Variants in GPR63 observed in about 807,000 individuals in gnomAD.
GPR63 encodes probable G protein-coupled receptor 63.
GPR63 carries 12 observed loss-of-function variants against 23.1 expected under a neutral mutation model. The observed-to-expected ratio is 0.52, with a 90% CI of 0.33 to 0.84. The LOEUF is 0.84. Among genes scored for constraint, GPR63 ranks in the 40% least tolerant of loss-of-function variants. The probability of loss-of-function intolerance (pLI) is 0.02; values close to 1 mark genes in which losing one functional copy is unlikely to be tolerated. For missense variants in GPR63, 472 were observed against 515.6 expected (o/e 0.92, Z 0.82); for synonymous variants, 172 against 191.1 (o/e 0.90, Z 0.82).
chr6:96,831,731 AC>A (rs1448097908), intron 1 of GPR63, among the ~76,000 whole-genome samples: 2 of 151,706 alleles, frequency 1.3e-5, no homozygotes, highest in Non-Finnish European at 2.9e-5. Flanking sequence ...ACATGGTGAA[AC>A]CCCCATCTAC....
At chr6:96,814,712 C>A (rs1774120587) in intron 1 of GPR63, among the ~76,000 whole-genome samples, 1 of 151,974 alleles carries the variant, frequency 6.6e-6, no homozygotes, top group Non-Finnish European at 1.5e-5. Flanking sequence ...GGTCTAATAC[C>A]TTGAGGGTTT....
Position 96,797,221 on chromosome 6 carries a change from A to C in GPR63, c.*1251T>G, listed in dbSNP as rs1156922323. The C allele has an allele frequency of 6.6e-6, 1 of 151,878 alleles. No individual in the cohort carries two copies. The highest frequency in any genetic ancestry group is 1.5e-5 in the Non-Finnish European group (1 of 67,974). The allele number at this position is 151,878 out of a possible 1,614,324, so 9.4% of individuals were successfully genotyped here. A position where few individuals can be genotyped will look rare whatever the true frequency, so the allele number is the denominator to read the frequency against. Reference sequence around the variant, plus strand: ...ACTCCAGCCTGGGTGGCAAAGCGAGACTCCAAAAAACAAAAAGTGGTTGTA... The same window carrying C: ...ACTCCAGCCTGGGTGGCAAAGCGAGCCTCCAAAAAACAAAAAGTGGTTGTA... On this transcript the variant is annotated 3_prime_UTR_variant, in exon 2 of 2. Transcript: ENST00000229955.
rs771942388 is a variant in GPR63, at chr6:96,799,375, G to A, written c.357C>T (p.Leu119=). The A allele has an allele frequency of 1.2e-6, 2 of 1,614,166 alleles. No homozygotes were observed. Among genetic ancestry groups the A allele is most frequent in the East Asian group, 4.5e-5 (2 of 44,870 alleles). The change falls in exon 2 of 2, where the codon CTC becomes CTT. Residue 119 remains leucine (L), a synonymous_variant. Transcript: ENST00000229955. ...TGTCTGCAAAAGCTAGGCTGGCAAG[G>A]AGGATGTTAATTGCAGACCTCATGG... The part of the protein sequence containing the change: ...KAAMRSAINI[L]LASLAFADML...
In GPR63 at chr6:96,812,033, G is replaced by A. The variant is rs1774059000; in HGVS notation, c.-150-12152C>T. 2.0e-5 allele frequency among the ~76,000 whole-genome samples: 3 copies of A among 151,874 alleles called. 1 individual carries two copies. Among genetic ancestry groups the A allele is most frequent in the Non-Finnish European group, 4.4e-5 (3 of 67,934 alleles). On this transcript the variant is annotated intron_variant, in intron 1 of 1. Coordinates refer to ENST00000229955, the MANE Select transcript of GPR63 (RefSeq NM_030784.4). The stretch of plus-strand genomic sequence containing the variant: ...GGTTTAACTGTAAGTAGAGTCAAAG[G>A]AAGCTTTGAAAACAAACCAAAAAGG...
At chr6:96,819,950 G>C (rs563711451) in intron 1 of GPR63, among the ~76,000 whole-genome samples, 5 of 142,218 alleles carry the variant, frequency 3.5e-5, no homozygotes, top group Non-Finnish European at 4.5e-5. Flanking sequence ...ACTCCAGCCT[G>C]GGCAACACAG....
rs751406734 is a variant in GPR63 at position 96,799,055 on chromosome 6, G to A, written c.677C>T (p.Ala226Val). The change falls in exon 2 of 2, where the codon GCT (alanine) becomes GTT (valine). Residue 226 changes from alanine to valine, a missense_variant. Coordinates refer to ENST00000229955, the MANE Select transcript of GPR63 (RefSeq NM_030784.4). ...TGTGTACCCAAACACACACTGGGGA[G>A]CTCGGGAAGGTATCTGCAGGTCGGG... is the stretch of plus-strand genomic sequence containing the variant. Reference protein sequence around the residue: ...GNPDLQIPSRAPQCVFGYTTN... With the variant: ...GNPDLQIPSRVPQCVFGYTTN... The A allele has an allele frequency of 1.9e-6, 3 of 1,614,062 alleles. No individual in the cohort carries two copies. Among genetic ancestry groups the A allele is most frequent in the African/African-American group, 1.3e-5 (1 of 74,922 alleles).
At chr6:96,836,728 C>T (rs987084026) in intron 1 of GPR63, among the ~76,000 whole-genome samples, 2 of 152,144 alleles carry the variant, frequency 1.3e-5, no homozygotes, top group Non-Finnish European at 2.9e-5. Context: ...GGATGCAACA[C>T]ACAGCGCCGC....
chr6:96,835,402 A>C (rs1213918035), intron 1 of GPR63, among the ~76,000 whole-genome samples: 1 of 152,116 alleles, frequency 6.6e-6, no homozygotes, highest in Non-Finnish European at 1.5e-5. Context: ...TGTGATATGG[A>C]TATATACATA....
intron 1 of GPR63, among the ~76,000 whole-genome samples, chr6:96,817,397 T>C (rs1019435918): frequency 5.9e-5 from 9 of 152,118 alleles, no homozygotes; most frequent in Non-Finnish European, 1.2e-4. Context: ...GTGGTACACA[T>C]GAAACTTTCA....
At chr6:96,802,340 T>A (rs1189094236) in intron 1 of GPR63, among the ~76,000 whole-genome samples, 1 of 152,304 alleles carries the variant, frequency 6.6e-6, no homozygotes, top group East Asian at 1.9e-4. Flanking sequence ...AAGAACCTAC[T>A]ACATGCCAGG....
chr6:96,820,126 CATTTCAT>C (rs575838257), intron 1 of GPR63, among the ~76,000 whole-genome samples: 104 of 147,692 alleles, frequency 7.0e-4, no homozygotes, highest in African/African-American at 2.4e-3. Flanking sequence ...TCTTCTTGAA[CATTTCAT>C]ATTATAAATA....
At chr6:96,821,463 T>G (rs992349726) in intron 1 of GPR63, among the ~76,000 whole-genome samples, 8 of 146,172 alleles carry the variant, frequency 5.5e-5, no homozygotes, top group Non-Finnish European at 1.5e-5. Context: ...GAAAAGTGAC[T>G]TTCAAATATC....
chr6:96,796,141 G>C lies in GPR63; in HGVS notation c.*2331C>G, dbSNP rs930034863. 2.0e-5 allele frequency: 3 copies of C among 152,056 alleles called. No homozygotes were observed. Among genetic ancestry groups the C allele is most frequent in the African/African-American group, 7.2e-5 (3 of 41,408 alleles). The allele number at this position is 152,056 out of a possible 1,614,324, so 9.4% of individuals were successfully genotyped here. Reference sequence around the variant, plus strand: ...TCAACCTTTCAATGCCCCAACTCCTGATACAGTGCCACACTCTTCAGACAT... The same window carrying C: ...TCAACCTTTCAATGCCCCAACTCCTCATACAGTGCCACACTCTTCAGACAT... On this transcript the variant is annotated 3_prime_UTR_variant, in exon 2 of 2. Transcript: ENST00000229955.
intron 1 of GPR63, among the ~76,000 whole-genome samples, chr6:96,808,995 G>C (rs1166392992): frequency 7.1e-6 from 1 of 140,060 alleles, no homozygotes; most frequent in Non-Finnish European, 1.5e-5. Flanking sequence ...TCTTTATCTC[G>C]TCCTGCCATC....
rs1773624466 is a variant in GPR63, at chr6:96,797,599, GAC to G, written c.*871_*872del. On this transcript the variant is annotated 3_prime_UTR_variant, in exon 2 of 2. Coordinates refer to ENST00000229955, the MANE Select transcript of GPR63 (RefSeq NM_030784.4). ...AAGGATAAAATGATGCACAGTGCCT[GAC>G]ACATAGGTGTCCATAAATATCAACC... 6.6e-6 allele frequency: 1 copy of G among 152,112 alleles called. No individual in the cohort carries two copies. The highest frequency in any genetic ancestry group is 6.6e-5 in the Admixed American group (1 of 15,260). 9.4% of individuals were successfully genotyped at this position (152,112 alleles called of 1,614,324 possible). A position where few individuals can be genotyped will look rare whatever the true frequency, so the allele number is the denominator to read the frequency against.
intron 1 of GPR63, among the ~76,000 whole-genome samples, chr6:96,833,077 G>A (rs1312583434): frequency 6.6e-6 from 1 of 152,198 alleles, no homozygotes; most frequent in Non-Finnish European, 1.5e-5. Flanking sequence ...AGAAGGTATC[G>A]TGGTTTATGC....
chr6:96,802,125 C>A (rs1300113124), intron 1 of GPR63, among the ~76,000 whole-genome samples: 1 of 152,118 alleles, frequency 6.6e-6, no homozygotes, highest in Non-Finnish European at 1.5e-5. Flanking sequence ...TCCTGTACTA[C>A]CACACTGTTT....
At chr6:96,831,902 T>C (rs534398263) in intron 1 of GPR63, among the ~76,000 whole-genome samples, 2 of 149,880 alleles carry the variant, frequency 1.3e-5, no homozygotes, top group African/African-American at 4.9e-5. Context: ...TGAGACTCTG[T>C]CACAAAAAAA....
chr6:96,820,620 G>A (rs886993487), intron 1 of GPR63, among the ~76,000 whole-genome samples: 4 of 151,906 alleles, frequency 2.6e-5, no homozygotes, highest in South Asian at 2.1e-4. Context: ...AAAGCAAAAT[G>A]AGCCAAAAAA....
Sources: allele counts gnomAD v4.1 joint callset (sites outside exome capture counted in the v4.1 genomes callset), GRCh38; gene constraint gnomAD v4.1.1; transcripts MANE v1.5; gene names NCBI Gene and HGNC (gene_info 2026-07-23, HGNC 2026-07-21).